IL6ST: variants seen among roughly 807,000 people sequenced by gnomAD.
IL6ST encodes interleukin-6 receptor subunit beta.
IL6ST carries 24 observed loss-of-function variants against 91.3 expected under a neutral mutation model. The ratio of observed to expected loss-of-function variants is 0.26; its 90% CI spans 0.19 to 0.37. The LOEUF is 0.37. Among genes scored for constraint, IL6ST ranks in the 10% least tolerant of loss-of-function variants. IL6ST has a pLI of 1.00. For synonymous variants in IL6ST, 351 were observed against 373.6 expected (o/e 0.94, Z 0.70); for missense variants, 914 against 1,078.5 (o/e 0.85, Z 2.14).
At chr5:55,970,408 G>T (rs763085760) in intron 3 of IL6ST, among the ~76,000 whole-genome samples, 3 of 152,208 alleles carry the variant, frequency 2.0e-5, no homozygotes, top group Non-Finnish European at 4.4e-5. Context: ...GCATGGCCCT[G>T]GGTATGATGG....
intron 7 of IL6ST, among the ~76,000 whole-genome samples, chr5:55,961,765 A>C (rs1411717877): frequency 1.3e-5 from 2 of 152,096 alleles, no homozygotes; most frequent in Non-Finnish European, 2.9e-5. Flanking sequence ...TCTCAAAAAA[A>C]AAAAAAAAGA....
intron 7 of IL6ST, among the ~76,000 whole-genome samples, chr5:55,961,190 CTTTCCTTT>C (rs1295601796): frequency 1.3e-5 from 2 of 152,214 alleles, no homozygotes; most frequent in Non-Finnish European, 2.9e-5. Flanking sequence ...CATCTATTAT[CTTTCCTTT>C]TTTCCCTTTA....
chr5:55,992,494 C>T lies in IL6ST; in HGVS notation c.-104+2290G>A, dbSNP rs1174198174. Among the ~76,000 whole-genome samples the T allele has an allele frequency of 5.3e-5, 8 of 152,136 alleles. 1 individual carries two copies. The highest frequency in any genetic ancestry group is 5.2e-4 in the Admixed American group (8 of 15,280). ...AGGATTTTATCCTATTATTATTAGACCTACTTCATAATATTATGAAGATTA... is the reference window on the plus strand; with the variant it reads ...AGGATTTTATCCTATTATTATTAGATCTACTTCATAATATTATGAAGATTA... On this transcript the variant is annotated intron_variant, in intron 1 of 16. Coordinates refer to ENST00000381298, the MANE Select transcript of IL6ST (RefSeq NM_002184.4).
In IL6ST at chr5:55,936,057, G is replaced by A. The variant is rs1331639569; in HGVS notation, c.*5025C>T. 1 of 228,004 alleles carries A rather than the reference G, an allele frequency of 4.4e-6. No individual in the cohort carries two copies. The highest frequency in any genetic ancestry group is 8.7e-6 in the Non-Finnish European group (1 of 114,818). The allele number at this position is 228,004 out of a possible 1,614,324, so 14.1% of individuals were successfully genotyped here. ...ATATGTGAAGGAGTTACTGTTGGCT[G>A]GCTTGTGGGTTTTTTGACTCACTAC... On this transcript the variant is annotated 3_prime_UTR_variant, in exon 17 of 17. Coordinates refer to ENST00000381298, the MANE Select transcript of IL6ST (RefSeq NM_002184.4).
chr5:55,962,935 C>T (rs540231146), intron 7 of IL6ST, among the ~76,000 whole-genome samples: 1 of 151,786 alleles, frequency 6.6e-6, no homozygotes, highest in Non-Finnish European at 1.5e-5. Context: ...GGCAACACGG[C>T]GAGACTCCAT....
chr5:55,966,513 T>C (rs1269229383), intron 5 of IL6ST, among the ~76,000 whole-genome samples: 1 of 152,164 alleles, frequency 6.6e-6, no homozygotes, highest in Admixed American at 6.5e-5. Flanking sequence ...GTAAATTTTA[T>C]TTAAAAACAT....
intron 3 of IL6ST, among the ~76,000 whole-genome samples, chr5:55,970,220 A>T (rs1305890234): frequency 6.6e-6 from 1 of 152,112 alleles, no homozygotes; most frequent in African/African-American, 2.4e-5. Context: ...TCTCCAGAAA[A>T]CAGGCAGTGG....
chr5:55,941,425 C>T lies in IL6ST; in HGVS notation c.2414G>A (p.Gly805Asp), dbSNP rs143321948. 6.2e-7 allele frequency: 1 copy of T among 1,614,072 alleles called. No individual in the cohort carries two copies. The highest frequency in any genetic ancestry group is 1.3e-5 in the African/African-American group (1 of 74,936). Residue 805 changes from glycine (G) to aspartate (D), a missense_variant, in exon 17 of 17, where the codon GGT becomes GAT. Gly to Asp is a moderately conservative substitution (Grantham distance 94, BLOSUM62 -1). Transcript: ENST00000381298. ...DLQLVDHVDG[G>D]DGILPRQQYF... ...CTGTTGCCTGGGCAAAATACCATCA[C>T]CGCCATCTACATGATCTACTAATTG...
At chr5:55,992,915 A>C (rs1005755110) in intron 1 of IL6ST, among the ~76,000 whole-genome samples, 2 of 152,216 alleles carry the variant, frequency 1.3e-5, no homozygotes, top group Admixed American at 6.5e-5. Context: ...CAATCCAATT[A>C]TTATAAACTC....
At chr5:55,979,218 C>A (rs1466022321) in intron 2 of IL6ST, among the ~76,000 whole-genome samples, 2 of 152,056 alleles carry the variant, frequency 1.3e-5, no homozygotes, top group Non-Finnish European at 2.9e-5. Context: ...AATAGTGAGA[C>A]CCTGACTCTA....
At chr5:55,953,251 A>T (rs753939861) in intron 11 of IL6ST, among the ~76,000 whole-genome samples, 3 of 152,070 alleles carry the variant, frequency 2.0e-5, no homozygotes, top group Admixed American at 1.3e-4. Flanking sequence ...TACCTTCTTA[A>T]ACAGATTTTA....
rs549591833 is a variant in IL6ST, at chr5:55,975,904, A to G, written c.64+311T>C. 1.5e-3 allele frequency among the ~76,000 whole-genome samples: 219 copies of G among 143,356 alleles called. No individual in the cohort carries two copies. The Middle Eastern group carries it at 0.018, about 12-fold the overall frequency. 94.0% of individuals were successfully genotyped at this position (143,356 alleles called of 152,430 possible). On this transcript the variant is annotated intron_variant, in intron 3 of 16. Transcript: ENST00000381298. ...ATTTTCTCCTATTCATTTACTGAAG[A>G]AAAAAAAAAAAACCCACACACTTCT...
intron 3 of IL6ST, among the ~76,000 whole-genome samples, chr5:55,970,878 G>A (rs934926663): frequency 1.3e-5 from 2 of 152,030 alleles, no homozygotes; most frequent in Non-Finnish European, 2.9e-5. Flanking sequence ...CTCCAGCTTG[G>A]GAGACAGAGT....
chr5:55,989,901 T>A (rs1262627109), intron 1 of IL6ST, among the ~76,000 whole-genome samples: 2 of 152,114 alleles, frequency 1.3e-5, no homozygotes, highest in East Asian at 3.9e-4. Flanking sequence ...AGCATGCCAG[T>A]CTAACCAGAG....
At position 55,940,028 on chromosome 5, in the gene IL6ST, A is replaced by G. The variant is rs932966628; in HGVS notation, c.*1054T>C. ...TAAATCTTTGCCTACTTATTTAAAA[A>G]TAAAAAAAATACTCAAAACAAATTT... is the stretch of plus-strand genomic sequence containing the variant. On this transcript the variant is annotated 3_prime_UTR_variant, in exon 17 of 17. Coordinates refer to ENST00000381298, the MANE Select transcript of IL6ST (RefSeq NM_002184.4). 12 of 184,936 alleles carry G rather than the reference A, an allele frequency of 6.5e-5. No homozygotes were observed. Among genetic ancestry groups the G allele is most frequent in the Non-Finnish European group, 1.3e-4 (12 of 91,670 alleles). 11.5% of individuals were successfully genotyped at this position (184,936 alleles called of 1,614,324 possible).
At chr5:55,987,041 TG>T (rs1043792022) in intron 1 of IL6ST, among the ~76,000 whole-genome samples, 5 of 152,160 alleles carry the variant, frequency 3.3e-5, no homozygotes, top group African/African-American at 4.8e-5. Flanking sequence ...GGTGCATGCC[TG>T]TTGTCCCAGC....
At chr5:55,971,201 C>T (rs1296425058) in intron 3 of IL6ST, among the ~76,000 whole-genome samples, 1 of 152,146 alleles carries the variant, frequency 6.6e-6, no homozygotes, top group East Asian at 1.9e-4. Flanking sequence ...CACTCCCATC[C>T]AGACATCCAG....
chr5:55,941,950 T>C (rs1158139612), intron 16 of IL6ST, 131 bp from the exon 17 acceptor site: 6 of 716,534 alleles, frequency 8.4e-6, no homozygotes, highest in Non-Finnish European at 9.4e-6. Flanking sequence ...CACTGTCAAC[T>C]ACCCAAAATG....
intron 1 of IL6ST, chr5:55,994,077 G>A (rs1286562597): frequency 2.8e-4 from 38 of 137,472 alleles, no homozygotes; most frequent in Admixed American, 1.5e-3. Context: ...AAAAGGTGAC[G>A]TCTTATTTTT....
Sources: allele counts gnomAD v4.1 joint callset (sites outside exome capture counted in the v4.1 genomes callset), GRCh38; gene constraint gnomAD v4.1.1; transcripts MANE v1.5; gene names NCBI Gene and HGNC (gene_info 2026-07-23, HGNC 2026-07-21).